The following PAM variants were observed in gnomAD, a reference collection of about 807,000 sequenced individuals.
PAM encodes the protein peptidylglycine alpha-amidating monooxygenase.
Under a neutral mutation model 122.1 loss-of-function variants are expected in PAM, and 72 were observed. The observed-to-expected ratio is 0.59, with a 90% CI of 0.49 to 0.72. PAM has a LOEUF of 0.72. Among genes scored for constraint, PAM ranks in the 30% least tolerant of loss-of-function variants. The pLI is 0.00. For synonymous variants in PAM, 389 were observed against 404.4 expected (o/e 0.96, Z 0.46); for missense variants, 1,106 against 1,183.7 (o/e 0.93, Z 0.96).
At chr5:102,774,394 G>A (rs1756607098) in intron 1 of PAM, among the ~76,000 whole-genome samples, 1 of 152,048 alleles carries the variant, frequency 6.6e-6, no homozygotes. Context: ...TGGGGATTAA[G>A]AGAGCCACTC....
intron 7 of PAM, among the ~76,000 whole-genome samples, chr5:102,941,087 G>A (rs1755044401): frequency 6.6e-6 from 1 of 152,134 alleles, no homozygotes; most frequent in South Asian, 2.1e-4. Context: ...CTTCACTGTA[G>A]ACTCATATTT....
At chr5:102,781,314 G>A (rs1428759189) in intron 1 of PAM, among the ~76,000 whole-genome samples, 1 of 152,146 alleles carries the variant, frequency 6.6e-6, no homozygotes, top group East Asian at 1.9e-4. Flanking sequence ...TGAGAGCATA[G>A]GAGAACTAGA....
At chr5:102,822,981 A>T (rs1772466207) in intron 1 of PAM, among the ~76,000 whole-genome samples, 1 of 152,204 alleles carries the variant, frequency 6.6e-6, no homozygotes, top group Non-Finnish European at 1.5e-5. Context: ...TGTGCAACCA[A>T]GAAACAAAGT....
rs559428547 is a variant in PAM at position 103,029,286 on chromosome 5, A to T, written c.*221A>T. 1 of 381,470 alleles carries T rather than the reference A, an allele frequency of 2.6e-6. No individual in the cohort carries two copies. The highest frequency in any genetic ancestry group is 2.1e-5 in the African/African-American group (1 of 48,272). The allele number at this position is 381,470 out of a possible 1,614,324, so 23.6% of individuals were successfully genotyped here. A position where few individuals can be genotyped will look rare whatever the true frequency, so the allele number is the denominator to read the frequency against. On this transcript the variant is annotated 3_prime_UTR_variant, in exon 26 of 26. Transcript: ENST00000438793. ...TGCCATTGTCTTTATATGAACATAG[A>T]CTAGAGAAACCGTCCTCTTTTTCCA...
At chr5:102,918,290 G>C (rs1020542786) in intron 5 of PAM, among the ~76,000 whole-genome samples, 9 of 152,096 alleles carry the variant, frequency 5.9e-5, no homozygotes, top group Non-Finnish European at 1.3e-4. Flanking sequence ...ATTAGAGCAA[G>C]CATATCAATG....
intron 1 of PAM, among the ~76,000 whole-genome samples, chr5:102,832,508 T>A (rs1775772875): frequency 6.6e-6 from 1 of 152,074 alleles, no homozygotes; most frequent in Non-Finnish European, 1.5e-5. Context: ...AAGCTTAATT[T>A]ATAAATTGGG....
rs552751181 is a variant in PAM, at chr5:102,935,268, T to C, written c.526+8600T>C. Among the ~76,000 whole-genome samples, 19 of 151,316 alleles carry C rather than the reference T, an allele frequency of 1.3e-4. No homozygotes were observed. The South Asian group carries it at 2.9e-3, about 23-fold the overall frequency. ...TCAGATATGTGTATATGTACTTTTT[T>C]CTTTTTTTTTTGGACAAGAATTAGA... On this transcript the variant is annotated intron_variant, in intron 7 of 25. Coordinates refer to ENST00000438793, the MANE Select transcript of PAM (RefSeq NM_001177306.2).
chr5:102,878,347 C>G (rs1789863820), intron 3 of PAM, among the ~76,000 whole-genome samples: 1 of 152,138 alleles, frequency 6.6e-6, no homozygotes, highest in Admixed American at 6.5e-5. Context: ...CTGCTGTTAA[C>G]AAACTTGCTG....
At chr5:102,803,177 G>A (rs867126349) in intron 1 of PAM, among the ~76,000 whole-genome samples, 12 of 17,204 alleles carry the variant, frequency 7.0e-4, no homozygotes, top group African/African-American at 3.3e-3. Context: ...AAGGAAGGAA[G>A]GAAGGAAGGA....
intron 23 of PAM, 64 bp downstream of exon 23, chr5:103,019,907 C>A: frequency 1.1e-6 from 1 of 940,468 alleles, no homozygotes; most frequent in Non-Finnish European, 1.8e-6. Flanking sequence ...CTTTTATGGC[C>A]CTTGATTGCA....
intron 4 of PAM, among the ~76,000 whole-genome samples, chr5:102,909,922 T>C (rs1174608084): frequency 1.3e-5 from 2 of 151,852 alleles, no homozygotes; most frequent in Non-Finnish European, 2.9e-5. Flanking sequence ...ATAGGTCAAT[T>C]ATCTATGCTC....
intron 1 of PAM, among the ~76,000 whole-genome samples, chr5:102,829,666 G>A (rs1402500326): frequency 3.3e-5 from 5 of 152,282 alleles, no homozygotes; most frequent in East Asian, 1.9e-4. Context: ...GAGCCACTGC[G>A]CCTGGCCGCA....
chr5:102,889,174 G>C (rs562773664), intron 3 of PAM, among the ~76,000 whole-genome samples: 1 of 151,908 alleles, frequency 6.6e-6, no homozygotes, highest in Non-Finnish European at 1.5e-5. Flanking sequence ...CGCTCCAGGA[G>C]GCTGACCTTT....
chr5:102,891,572 G>A (rs1360176949), intron 3 of PAM, among the ~76,000 whole-genome samples: 3 of 151,754 alleles, frequency 2.0e-5, no homozygotes, highest in Non-Finnish European at 4.4e-5. Flanking sequence ...CCCCATGTCT[G>A]TTTCACCTCT....
intron 1 of PAM, chr5:102,838,525 T>G (rs1777690677): frequency 6.6e-6 from 1 of 152,200 alleles, no homozygotes. Flanking sequence ...GCATAAAAAC[T>G]TATTTAAACT....
In PAM at chr5:103,028,938, G is replaced by C. The variant is rs755271884; in HGVS notation, c.2795G>C (p.Gly932Ala). The part of the protein sequence containing the change: ...NLGNFFASRK[G>A]YSRKGFDRLS... ...GGTAATTTCTTTGCAAGCCGTAAGG[G>C]CTACAGTCGAAAAGGGTTTGACCGG... The change falls in exon 26 of 26, where the codon GGC becomes GCC. Residue 932 changes from glycine (G) to alanine (A), a missense_variant. Coordinates refer to ENST00000438793, the MANE Select transcript of PAM (RefSeq NM_001177306.2). The C allele has an allele frequency of 6.2e-7, 1 of 1,613,652 alleles. No homozygotes were observed. The highest frequency in any genetic ancestry group is 1.1e-5 in the South Asian group (1 of 91,028).
chr5:102,772,215 C>G (rs1755985185), intron 1 of PAM, among the ~76,000 whole-genome samples: 1 of 152,108 alleles, frequency 6.6e-6, no homozygotes, highest in African/African-American at 2.4e-5. Flanking sequence ...GGGTTAACTG[C>G]TTAATAAATG....
chr5:102,938,670 G>A (rs1754087134), intron 7 of PAM, among the ~76,000 whole-genome samples: 1 of 151,940 alleles, frequency 6.6e-6, no homozygotes, highest in African/African-American at 2.4e-5. Context: ...GAGCTACATA[G>A]TCATCATCTA....
At chr5:102,829,427 A>C (rs995470779) in intron 1 of PAM, among the ~76,000 whole-genome samples, 1 of 146,724 alleles carries the variant, frequency 6.8e-6, no homozygotes, top group Admixed American at 7.0e-5. Context: ...GCAGGAGTGC[A>C]GTGTCGCGAT....
Sources: allele counts gnomAD v4.1 joint callset (sites outside exome capture counted in the v4.1 genomes callset), GRCh38; gene constraint gnomAD v4.1.1; transcripts MANE v1.5; gene names NCBI Gene and HGNC (gene_info 2026-07-23, HGNC 2026-07-21).